The following CASP6 variants were observed in gnomAD, a reference collection of about 807,000 sequenced individuals.
CASP6 encodes the protein caspase 6.
CASP6 carries 20 observed loss-of-function variants against 31.8 expected under a neutral mutation model. The ratio of observed to expected loss-of-function variants is 0.63; its 90% CI spans 0.44 to 0.91. The LOEUF (loss-of-function observed/expected upper bound fraction) is 0.91. Among genes scored for constraint, CASP6 ranks in the 40% least tolerant of loss-of-function variants. The pLI is 0.00. For missense variants in CASP6, 328 were observed against 361.1 expected (o/e 0.91, Z 0.74); for synonymous variants, 130 against 127.8 (o/e 1.02, Z -0.12).
chr4:109,701,404 T>G (rs1730417053), intron 1 of CASP6, among the ~76,000 whole-genome samples: 1 of 152,150 alleles, frequency 6.6e-6, no homozygotes, highest in African/African-American at 2.4e-5. Flanking sequence ...AAATGTGCCC[T>G]TCTTTAAACC....
At chr4:109,709,342 A>T in the CASP6 span, among the ~76,000 whole-genome samples, 4 of 152,208 alleles carry the variant, frequency 2.6e-5, no homozygotes, top group African/African-American at 4.8e-5. Context: ...CCACCAACAT[A>T]GACTGGAATC....
At chr4:109,702,324 T>C (rs781419441) in intron 1 of CASP6, among the ~76,000 whole-genome samples, 21 of 142,436 alleles carry the variant, frequency 1.5e-4, no homozygotes, top group Non-Finnish European at 2.8e-4. Flanking sequence ...AGGCGTTTCG[T>C]TCTTTTTTTT....
the CASP6 span, among the ~76,000 whole-genome samples, chr4:109,672,381 T>A: frequency 6.6e-6 from 1 of 152,228 alleles, no homozygotes; most frequent in Non-Finnish European, 1.5e-5. Context: ...ATAAAACTCA[T>A]GAAAGTGTGG....
At chr4:109,689,834 A>G (rs1207168024) in intron 6 of CASP6, among the ~76,000 whole-genome samples, 1 of 152,164 alleles carries the variant, frequency 6.6e-6, no homozygotes, top group Non-Finnish European at 1.5e-5. Flanking sequence ...TGATTGAGAC[A>G]TGAGATTACT....
chr4:109,675,323 C>T, the CASP6 span, among the ~76,000 whole-genome samples: 24 of 152,334 alleles, frequency 1.6e-4, no homozygotes, highest in Admixed American at 3.9e-4. Flanking sequence ...TCAGGTTCCT[C>T]GGAACCCTCT....
At chr4:109,677,242 C>T in the CASP6 span, among the ~76,000 whole-genome samples, 588 of 152,286 alleles carry the variant, frequency 3.9e-3, 3 homozygotes, top group African/African-American at 0.013. Context: ...AATATCTATC[C>T]CATACCTATC....
At chr4:109,688,517 TGTG>T (rs779738317), downstream of CASP6, 2 of 152,224 alleles carry the variant, frequency 1.3e-5, no homozygotes, top group African/African-American at 2.4e-5. Flanking sequence ...ATACACAAAA[TGTG>T]GTAATTCATA....
intron 5 of CASP6, among the ~76,000 whole-genome samples, chr4:109,691,492 C>T (rs113195726): frequency 1.3e-5 from 2 of 152,296 alleles, no homozygotes; most frequent in African/African-American, 2.4e-5. Context: ...CCTACTAATG[C>T]ACCATCTTCC....
chr4:109,673,902 T>G, the CASP6 span: 1 of 776,286 alleles, frequency 1.3e-6, no homozygotes, highest in Non-Finnish European at 2.4e-6. Flanking sequence ...GATCCAAACT[T>G]ATTCGAAAAG....
At chr4:109,681,597 G>T in the CASP6 span, 1 of 307,724 alleles carries the variant, frequency 3.2e-6, no homozygotes, top group South Asian at 2.6e-5. Flanking sequence ...ATTAGAAGTC[G>T]TGGGTCACGG....
Position 109,689,361 on chromosome 4 carries a change from T to G in CASP6, c.851A>C (p.Lys284Thr). ...AGATTTTGGAAAGAAATGCAGCTTT[T>G]TAGTTAGCATTGAGGCAAAACAGGG... ...QVPCFASMLT[K>T]KLHFFPKSN The change falls in exon 7 of 7, where the codon AAA (lysine) becomes ACA (threonine). Residue 284 changes from lysine to threonine, a missense_variant. Lys to Thr is a moderately conservative substitution (Grantham distance 78). Coordinates refer to ENST00000265164, the MANE Select transcript of CASP6 (RefSeq NM_001226.4). The G allele has an allele frequency of 6.2e-7, 1 of 1,614,188 alleles. No individual in the cohort carries two copies. The highest frequency in any genetic ancestry group is 8.5e-7 in the Non-Finnish European group (1 of 1,180,006).
rs938393611 is a variant in CASP6 at position 109,689,201 on chromosome 4, G to C, written c.*129C>G. 3 of 821,490 alleles carry C rather than the reference G, an allele frequency of 3.7e-6. No individual in the cohort carries two copies. In the Admixed American group the frequency reaches 6.6e-5, roughly 18 times the overall value. 50.9% of individuals were successfully genotyped at this position (821,490 alleles called of 1,614,324 possible). On this transcript the variant is annotated 3_prime_UTR_variant, in exon 7 of 7. Coordinates refer to ENST00000265164, the MANE Select transcript of CASP6 (RefSeq NM_001226.4). ...TCTCCATGTTGGTCAGGCTGGTCTC[G>C]AACTCCCGACCTCAGGTGATCCGCC...
the CASP6 span, among the ~76,000 whole-genome samples, chr4:109,709,719 G>C: frequency 6.6e-6 from 1 of 152,150 alleles, no homozygotes; most frequent in African/African-American, 2.4e-5. Context: ...ATGAAATATA[G>C]GGAATAAAGT....
chr4:109,690,707 G>T, intron 6 of CASP6, 143 bp downstream of exon 6: 1 of 764,920 alleles, frequency 1.3e-6, no homozygotes, highest in South Asian at 2.1e-5. Context: ...GTGCCATGTG[G>T]TCAAAGAAAT....
At chr4:109,707,841 A>C (rs762198592), upstream of CASP6, among the ~76,000 whole-genome samples, 2 of 152,190 alleles carry the variant, frequency 1.3e-5, no homozygotes, top group Non-Finnish European at 1.5e-5. Flanking sequence ...GTGTGCCAAC[A>C]AGGTGCCATG....
Position 109,696,457 on chromosome 4 carries a change from C to T in CASP6, c.260G>A (p.Cys87Tyr), listed in dbSNP as rs1323383203. 3.7e-6 allele frequency: 6 copies of T among 1,612,374 alleles called. No homozygotes were observed. Among genetic ancestry groups the T allele is most frequent in the Non-Finnish European group, 5.1e-6 (6 of 1,179,376 alleles). ...RFSDLGFEVK[C>Y]FNDLKAEELL... is the part of the protein sequence containing the mutation. ...TTCTTCTGCTTTAAGATCATTAAAG[C>T]ATTTCACTTCAAATCCTAGATCTGA... The change falls in exon 4 of 7, where the codon TGC (cysteine) becomes TAC (tyrosine). Residue 87 changes from cysteine (C) to tyrosine (Y), a missense_variant. By Grantham distance (194) the Cys-to-Tyr change is radical (BLOSUM62 -2). Coordinates refer to ENST00000265164, the MANE Select transcript of CASP6 (RefSeq NM_001226.4).
chr4:109,685,474 T>G (rs1258773156), downstream of CASP6: 5 of 571,244 alleles, frequency 8.8e-6, no homozygotes, highest in Non-Finnish European at 1.3e-5. Flanking sequence ...TGGTCCTAGA[T>G]TTCTGTGTGT....
At chr4:109,706,131 T>TTATATATATATA (rs58847180), upstream of CASP6, among the ~76,000 whole-genome samples, 603 of 35,778 alleles carry the variant, frequency 0.017, 4 homozygotes, top group East Asian at 0.028. Context: ...CCTATCCATT[T>TTATATATATATA]TATATATATA....
chr4:109,677,054 C>CA, the CASP6 span, among the ~76,000 whole-genome samples: 2 of 152,232 alleles, frequency 1.3e-5, no homozygotes, highest in Admixed American at 6.5e-5. Flanking sequence ...GCCATGGGGG[C>CA]AGGACTGCCC....
Sources: gnomAD v4.1 joint callset for allele counts (sites outside exome capture counted in the v4.1 genomes callset) on GRCh38, gnomAD v4.1.1 for gene constraint, MANE v1.5 for transcripts, NCBI Gene and HGNC (gene_info 2026-07-23, HGNC 2026-07-21) for gene names.